Variants in FAM168B observed in about 807,000 individuals in gnomAD.
FAM168B encodes myelin-associated neurite-outgrowth inhibitor.
A neutral mutation model predicts 21.8 loss-of-function variants in FAM168B; 19 were observed. The ratio of observed to expected loss-of-function variants is 0.87; its 90% CI spans 0.61 to 1.28. The LOEUF (loss-of-function observed/expected upper bound fraction) is 1.28, where lower values mean the gene tolerates loss of function less well. Among genes scored for constraint, FAM168B ranks in the 50% most tolerant of loss-of-function variants. The pLI is 0.00. For synonymous variants in FAM168B, 126 were observed against 104.8 expected (o/e 1.20, Z -1.24); for missense variants, 233 against 263.1 (o/e 0.89, Z 0.79).
rs951184575 is a variant in FAM168B, at chr2:131,055,137, C to T, written c.475+135G>A. Reference sequence around the variant, plus strand: ...TAAAAGATAACCTGCTGTTTCTTCCCCAAAGAATTTTCTGTCCTTCCACAC... The same window carrying T: ...TAAAAGATAACCTGCTGTTTCTTCCTCAAAGAATTTTCTGTCCTTCCACAC... On this transcript the variant is annotated intron_variant, in intron 5 of 6. Coordinates refer to ENST00000389915, the MANE Select transcript of FAM168B (RefSeq NM_001009993.4). 3.4e-6 allele frequency: 3 copies of T among 874,940 alleles called. No individual in the cohort carries two copies. The African/African-American group carries it at 5.3e-5, about 15-fold the overall frequency. The allele number at this position is 874,940 out of a possible 1,614,324, so 54.2% of individuals were successfully genotyped here.
At chr2:131,078,609 T>A (rs2105553276) in intron 2 of FAM168B, among the ~76,000 whole-genome samples, 1 of 152,270 alleles carries the variant, frequency 6.6e-6, no homozygotes, top group Non-Finnish European at 1.5e-5. Flanking sequence ...TCTAGTTACA[T>A]CATGGTAAAA....
At position 131,051,158 on chromosome 2, in the gene FAM168B, G is replaced by A. The variant is rs1691650912; in HGVS notation, c.*1307C>T. The A allele has an allele frequency of 1.0e-6, 1 of 985,222 alleles. No homozygotes were observed. The highest frequency in any genetic ancestry group is 1.7e-5 in the African/African-American group (1 of 57,170). 61.0% of individuals were successfully genotyped at this position (985,222 alleles called of 1,614,324 possible). A position where few individuals can be genotyped will look rare whatever the true frequency, so the allele number is the denominator to read the frequency against. On this transcript the variant is annotated 3_prime_UTR_variant, in exon 7 of 7. Coordinates refer to ENST00000389915, the MANE Select transcript of FAM168B (RefSeq NM_001009993.4). The stretch of plus-strand genomic sequence containing the variant: ...AAGTGCCCTCAGCTGCAAAAGAGAT[G>A]GCAGGAGAGGCTCGCAGACAACAGA...
Position 131,055,265 on chromosome 2 carries a change from G to T in FAM168B, c.475+7C>A. 6.4e-7 allele frequency: 1 copy of T among 1,551,278 alleles called. No homozygotes were observed. Reference sequence around the variant, plus strand: ...ATAGGACAGACACCGCAGGAACGAGGACTTACCTGCTGACATGGCCATGGT... The same window carrying T: ...ATAGGACAGACACCGCAGGAACGAGTACTTACCTGCTGACATGGCCATGGT... On this transcript the variant is annotated splice_region_variant and intron_variant, in intron 5 of 6. Coordinates refer to ENST00000389915, the MANE Select transcript of FAM168B (RefSeq NM_001009993.4).
chr2:131,083,251 C>T (rs916979039), intron 1 of FAM168B, among the ~76,000 whole-genome samples: 3 of 152,226 alleles, frequency 2.0e-5, no homozygotes, highest in Admixed American at 1.3e-4. Flanking sequence ...CTACTCAGAA[C>T]GCTAAGGCAG....
At chr2:131,059,749 T>G (rs1692199858) in intron 3 of FAM168B, among the ~76,000 whole-genome samples, 1 of 152,146 alleles carries the variant, frequency 6.6e-6, no homozygotes, top group Non-Finnish European at 1.5e-5. Context: ...TCATGACAGA[T>G]AACTGGAAAT....
intron 5 of FAM168B, 91 bp downstream of exon 5, chr2:131,055,181 C>T: frequency 3.2e-6 from 4 of 1,266,064 alleles, no homozygotes; most frequent in East Asian, 2.8e-5. Context: ...CTATGAAAAC[C>T]TAGAGCCAAG....
chr2:131,071,944 GA>G lies in FAM168B; in HGVS notation c.71-7del. ...ATAGCCCATGGGAAAACCAGCTGAA[GA>G]AAAATAAAGAACAATCTCATGTCAT... is the stretch of plus-strand genomic sequence containing the variant. On this transcript the variant is annotated splice_region_variant and splice_polypyrimidine_tract_variant and intron_variant, in intron 2 of 6. Transcript: ENST00000389915. 5.0e-6 allele frequency: 8 copies of G among 1,612,960 alleles called. No individual in the cohort carries two copies. Among genetic ancestry groups the G allele is most frequent in the Non-Finnish European group, 5.9e-6 (7 of 1,179,214 alleles).
chr2:131,050,078 T>C lies in FAM168B; in HGVS notation c.*2387A>G. On this transcript the variant is annotated 3_prime_UTR_variant, in exon 7 of 7. Coordinates refer to ENST00000389915, the MANE Select transcript of FAM168B (RefSeq NM_001009993.4). ...TCAACTTCATAAAAGGGAAAAAAGG[T>C]TAAGTTACAGGGAGGAAGAAAAGTG... is the stretch of plus-strand genomic sequence containing the variant. 1.0e-6 allele frequency: 1 copy of C among 985,464 alleles called. No individual in the cohort carries two copies. Among genetic ancestry groups the C allele is most frequent in the Non-Finnish European group, 1.2e-6 (1 of 829,944 alleles). 61.0% of individuals were successfully genotyped at this position (985,464 alleles called of 1,614,324 possible).
At chr2:131,082,727 A>G in intron 1 of FAM168B, 70 bp from the exon 2 acceptor site, 1 of 938,900 alleles carries the variant, frequency 1.1e-6, no homozygotes, top group South Asian at 1.6e-5. Flanking sequence ...CCAGTCCCCA[A>G]AAAGCAGGTA....
At chr2:131,065,807 G>GAAAAAAAAAAAAAAAAA (rs796177546) in intron 3 of FAM168B, among the ~76,000 whole-genome samples, 1 of 94,852 alleles carries the variant, frequency 1.1e-5, no homozygotes, top group Non-Finnish European at 2.3e-5. Context: ...AAGAAAAAAA[G>GAAAAAAAAAAAAAAAAA]AAAAAAAAAA....
intron 3 of FAM168B, among the ~76,000 whole-genome samples, chr2:131,058,857 T>C (rs925769326): frequency 6.6e-6 from 1 of 152,230 alleles, no homozygotes; most frequent in African/African-American, 2.4e-5. Flanking sequence ...TACACTTAGT[T>C]GTATGCCAAT....
intron 5 of FAM168B, among the ~76,000 whole-genome samples, chr2:131,054,284 G>C (rs1691876347): frequency 6.7e-6 from 1 of 150,098 alleles, no homozygotes; most frequent in Non-Finnish European, 1.5e-5. Flanking sequence ...GAGCTTCTGA[G>C]TTCTTTAAGA....
chr2:131,072,991 C>T (rs1159012333), intron 2 of FAM168B, among the ~76,000 whole-genome samples: 1 of 152,102 alleles, frequency 6.6e-6, no homozygotes, highest in African/African-American at 2.4e-5. Flanking sequence ...CACTGAATTC[C>T]GACATTTCCT....
At chr2:131,052,530 G>A in intron 6 of FAM168B, 78 bp from the exon 7 acceptor site, 1 of 1,019,984 alleles carries the variant, frequency 9.8e-7, no homozygotes. Flanking sequence ...GTAGGATGAG[G>A]CCCAGCAGGG....
rs957905456 is a variant in FAM168B at position 131,050,291 on chromosome 2, T to A, written c.*2174A>T. On this transcript the variant is annotated 3_prime_UTR_variant, in exon 7 of 7. Coordinates refer to ENST00000389915, the MANE Select transcript of FAM168B (RefSeq NM_001009993.4). ...TTCCATTTTGTTGTGTGGGGCTTTT[T>A]AAAAGCATACACTAACATTGTGAGT... 1.5e-5 allele frequency: 15 copies of A among 985,362 alleles called. No individual in the cohort carries two copies. The highest frequency in any genetic ancestry group is 1.7e-5 in the African/African-American group (1 of 57,260). 61.0% of individuals were successfully genotyped at this position (985,362 alleles called of 1,614,324 possible).
In FAM168B at chr2:131,052,292, C is replaced by T; in HGVS notation, c.*173G>A. 1 of 985,942 alleles carries T rather than the reference C, an allele frequency of 1.0e-6. No individual in the cohort carries two copies. Among genetic ancestry groups the T allele is most frequent in the Non-Finnish European group, 1.2e-6 (1 of 829,990 alleles). The allele number at this position is 985,942 out of a possible 1,614,324, so 61.1% of individuals were successfully genotyped here. A position where few individuals can be genotyped will look rare whatever the true frequency, so the allele number is the denominator to read the frequency against. ...TTGCTTTAAGACCAACCCACAGAGTCAGCTGGAGACTAACGGCGCTGGGGC... is the reference window on the plus strand; with the variant it reads ...TTGCTTTAAGACCAACCCACAGAGTTAGCTGGAGACTAACGGCGCTGGGGC... On this transcript the variant is annotated 3_prime_UTR_variant, in exon 7 of 7. Coordinates refer to ENST00000389915, the MANE Select transcript of FAM168B (RefSeq NM_001009993.4).
intron 1 of FAM168B, among the ~76,000 whole-genome samples, chr2:131,083,073 T>C (rs895486915): frequency 1.3e-5 from 2 of 151,826 alleles, no homozygotes; most frequent in African/African-American, 4.8e-5. Flanking sequence ...ATACAAAAAT[T>C]GGCCAGGCAT....
chr2:131,053,869 T>C (rs1389262872), intron 5 of FAM168B, among the ~76,000 whole-genome samples: 1 of 152,042 alleles, frequency 6.6e-6, no homozygotes, highest in African/African-American at 2.4e-5. Flanking sequence ...GGCAAGACCC[T>C]GTCTCAACAA....
chr2:131,057,224 G>C (rs548134278), intron 3 of FAM168B, among the ~76,000 whole-genome samples: 26 of 152,296 alleles, frequency 1.7e-4, no homozygotes, highest in African/African-American at 6.0e-4. Context: ...GTCCACGAAA[G>C]ACTTGTAAAA....
Sources: allele counts gnomAD v4.1 joint callset (sites outside exome capture counted in the v4.1 genomes callset), GRCh38; gene constraint gnomAD v4.1.1; transcripts MANE v1.5; gene names NCBI Gene and HGNC (gene_info 2026-07-23, HGNC 2026-07-21).